The following OC90 variants were observed in gnomAD, a reference collection of about 807,000 sequenced individuals.
The protein encoded by OC90 is otoconin-90.
OC90 carries 46 observed loss-of-function variants against 47.3 expected under a neutral mutation model. The observed-to-expected ratio is 0.97, with a 90% confidence interval of 0.77 to 1.24. OC90 has a LOEUF of 1.24. Among genes scored for constraint, OC90 ranks in the 50% most tolerant of loss-of-function variants. OC90 has a pLI of 0.00. For missense variants in OC90, 688 were observed against 583.9 expected (o/e 1.18, Z -1.84); for synonymous variants, 271 against 219.5 (o/e 1.23, Z -2.07).
intron 6 of OC90, among the ~76,000 whole-genome samples, chr8:132,040,041 G>T (rs963562356): frequency 2.6e-5 from 4 of 152,222 alleles, no homozygotes; most frequent in South Asian, 4.1e-4. Flanking sequence ...ACAGAAGATT[G>T]TCTTGCATTG....
chr8:132,039,347 G>T (rs897026581), intron 6 of OC90, among the ~76,000 whole-genome samples: 1 of 151,984 alleles, frequency 6.6e-6, no homozygotes, highest in Non-Finnish European at 1.5e-5. Flanking sequence ...CAGCACTATT[G>T]GCTCCACTTT....
At chr8:132,058,653 T>A (rs563629175) in intron 1 of OC90, among the ~76,000 whole-genome samples, 1 of 152,174 alleles carries the variant, frequency 6.6e-6, no homozygotes, top group South Asian at 2.1e-4. Flanking sequence ...ATGGTGTTTT[T>A]TCATCAGGGA....
chr8:132,037,575 TG>T lies in OC90; in HGVS notation c.629-88del, dbSNP rs1822989448. 3.3e-6 allele frequency: 4 copies of T among 1,197,964 alleles called. No individual in the cohort carries two copies. The South Asian group carries it at 5.2e-5, about 16-fold the overall frequency. 74.2% of individuals were successfully genotyped at this position (1,197,964 alleles called of 1,614,324 possible). A position where few individuals can be genotyped will look rare whatever the true frequency, so the allele number is the denominator to read the frequency against. On this transcript the variant is annotated intron_variant, in intron 8 of 13. Coordinates refer to ENST00000254627, the MANE Select transcript of OC90 (RefSeq NM_001080399.3). ...GGGTCTCAAAGGAAAACAGGCTGGT[TG>T]CTGGCCCAAGGGAGGAAAGGGGCTG...
At chr8:132,030,881 A>G (rs1304138804) in intron 12 of OC90, among the ~76,000 whole-genome samples, 1 of 152,234 alleles carries the variant, frequency 6.6e-6, no homozygotes, top group African/African-American at 2.4e-5. Flanking sequence ...TGCAGCTGAC[A>G]TACTCCATAT....
intron 2 of OC90, among the ~76,000 whole-genome samples, chr8:132,047,792 T>A (rs1409758591): frequency 6.6e-6 from 1 of 152,218 alleles, no homozygotes; most frequent in African/African-American, 2.4e-5. Context: ...ATTAGAATTA[T>A]AAAATGGTCA....
chr8:132,041,672 A>G lies in OC90; in HGVS notation c.197T>C (p.Leu66Pro), dbSNP rs1463220648. 3 of 1,503,170 alleles carry G rather than the reference A, an allele frequency of 2.0e-6. No individual in the cohort carries two copies. Among genetic ancestry groups the G allele is most frequent in the East Asian group, 2.5e-5 (1 of 39,966 alleles). The allele number at this position is 1,503,170 out of a possible 1,614,324, so 93.1% of individuals were successfully genotyped here. ...FDCLGPHFTW[L>P]QAVFTNFPVL... is the part of the protein sequence containing the mutation. ...AGGGAAATTGGTGAAGACAGCCTGC[A>G]GCCAGGTGAAGTGGGGGCCCAGGCA... The change falls in exon 5 of 14, where the codon CTG becomes CCG. Residue 66 changes from leucine (L) to proline (P), a missense_variant. Coordinates refer to ENST00000254627, the MANE Select transcript of OC90 (RefSeq NM_001080399.3).
intron 12 of OC90, among the ~76,000 whole-genome samples, chr8:132,030,960 C>T (rs1223251126): frequency 6.6e-6 from 1 of 152,188 alleles, no homozygotes; most frequent in African/African-American, 2.4e-5. Flanking sequence ...TAAAATTCAT[C>T]AATAGCTGCT....
At chr8:132,032,080 G>T in intron 11 of OC90, 28 bp from the exon 12 acceptor site, 1 of 1,606,946 alleles carries the variant, frequency 6.2e-7, no homozygotes, top group Non-Finnish European at 8.5e-7. Context: ...TGTCAGGAGA[G>T]CAAGGACTGT....
intron 2 of OC90, among the ~76,000 whole-genome samples, chr8:132,052,261 T>C (rs1284456093): frequency 6.6e-6 from 1 of 152,200 alleles, no homozygotes; most frequent in African/African-American, 2.4e-5. Flanking sequence ...GACTTGTGAC[T>C]TCAGTTCCAT....
chr8:132,037,275 T>C (rs1223907446), intron 9 of OC90, among the ~76,000 whole-genome samples, 163 bp downstream of exon 9: 1 of 152,170 alleles, frequency 6.6e-6, no homozygotes, highest in African/African-American at 2.4e-5. Flanking sequence ...TGGGAGGTGA[T>C]TGGATCATGG....
chr8:132,028,563 A>AAAGAAAGAAAGAAAGGAAGGAAGGAAGG (rs1354516292), intron 13 of OC90, among the ~76,000 whole-genome samples: 51 of 31,174 alleles, frequency 1.6e-3, no homozygotes, highest in South Asian at 6.8e-3. Flanking sequence ...AGAAAGAAAG[A>AAAGAAAGAAAGAAAGGAAGGAAGGAAGG]AAGGAAGGAA....
chr8:132,034,754 T>C lies in OC90; in HGVS notation c.733+27A>G, dbSNP rs780529643. On this transcript the variant is annotated intron_variant, in intron 10 of 13. Coordinates refer to ENST00000254627, the MANE Select transcript of OC90 (RefSeq NM_001080399.3). The stretch of plus-strand genomic sequence containing the variant: ...AAAGGACATAAATGTGTCATGAACA[T>C]AGGCAGGTGGAGCCCAGTAGGCTTA... The C allele has an allele frequency of 8.6e-5, 133 of 1,545,528 alleles. No individual in the cohort carries two copies. In the Admixed American group the frequency reaches 2.2e-3, roughly 25 times the overall value.
At chr8:132,041,780 C>T (rs572095783) in intron 4 of OC90, 81 bp from the exon 5 acceptor site, 16 of 772,976 alleles carry the variant, frequency 2.1e-5, no homozygotes, top group Non-Finnish European at 3.3e-5. Context: ...ACTTCCTATA[C>T]CTCAGGCTGA....
At chr8:132,036,226 T>C in intron 9 of OC90, 2 of 619,386 alleles carry the variant, frequency 3.2e-6, no homozygotes, top group Non-Finnish European at 5.8e-6. Context: ...CTCAGTTTCC[T>C]ACATATTCTG....
At chr8:132,057,213 G>C (rs572781390) in intron 1 of OC90, among the ~76,000 whole-genome samples, 29 of 152,320 alleles carry the variant, frequency 1.9e-4, no homozygotes, top group African/African-American at 7.0e-4. Flanking sequence ...TACAATGAAG[G>C]CCTTTGTGCT....
chr8:132,030,931 C>T (rs530331747), intron 12 of OC90, among the ~76,000 whole-genome samples: 1 of 152,304 alleles, frequency 6.6e-6, no homozygotes, highest in East Asian at 1.9e-4. Flanking sequence ...CTATGACAAG[C>T]TTTGTCTTTC....
intron 2 of OC90, among the ~76,000 whole-genome samples, chr8:132,048,874 C>T (rs1823174213): frequency 6.6e-6 from 1 of 151,510 alleles, no homozygotes; most frequent in Non-Finnish European, 1.5e-5. Flanking sequence ...AGCTGCAACC[C>T]CCTATGACCC....
At chr8:132,054,846 C>G in intron 2 of OC90, 135 bp downstream of exon 2, 3 of 550,588 alleles carry the variant, frequency 5.4e-6, no homozygotes, top group Middle Eastern at 7.0e-4. Context: ...TTAACCATCT[C>G]AATTTTATAG....
At chr8:132,055,563 T>C (rs1463490224) in intron 1 of OC90, among the ~76,000 whole-genome samples, 2 of 152,252 alleles carry the variant, frequency 1.3e-5, no homozygotes, top group Non-Finnish European at 2.9e-5. Flanking sequence ...AATGCACCTT[T>C]GGCATGTAGG....
Sources: gnomAD v4.1 joint callset for allele counts (sites outside exome capture counted in the v4.1 genomes callset) on GRCh38, gnomAD v4.1.1 for gene constraint, MANE v1.5 for transcripts, NCBI Gene and HGNC (gene_info 2026-07-23, HGNC 2026-07-21) for gene names.